PLAC1: variants seen among roughly 807,000 people sequenced by gnomAD.
The protein encoded by PLAC1 is placenta-specific protein 1.
For missense variants in PLAC1, 136 were observed against 163.2 expected (o/e 0.83, Z 0.91); for synonymous variants, 68 against 62.1 (o/e 1.09, Z -0.44).
chrX:134,708,901 T>C (rs933513873), intron 2 of PLAC1, among the ~76,000 whole-genome samples: 4 of 111,516 alleles, frequency 3.6e-5, no homozygotes, highest in African/African-American at 9.8e-5. Context: ...ACACACATAT[T>C]GTATCAATGT....
At chrX:134,668,683 G>T (rs1005973470) in intron 2 of PLAC1, among the ~76,000 whole-genome samples, 2 of 112,974 alleles carry the variant, frequency 1.8e-5, no homozygotes, top group Non-Finnish European at 3.7e-5. Flanking sequence ...CTTGTCTATA[G>T]GAATTCCACA....
At chrX:134,608,168 C>G (rs2078132028) in intron 1 of PLAC1, among the ~76,000 whole-genome samples, 1 of 112,012 alleles carries the variant, frequency 8.9e-6, no homozygotes, top group East Asian at 2.8e-4. Flanking sequence ...CCCAGCAAGT[C>G]TATTCCTAGA....
chrX:134,708,983 CA>C (rs923021262), intron 2 of PLAC1, among the ~76,000 whole-genome samples: 1 of 111,748 alleles, frequency 8.9e-6, no homozygotes, highest in African/African-American at 3.3e-5. Context: ...GTGAATGGTA[CA>C]GGGGGCCTCT....
chrX:134,569,127 G>A (rs1022754206), intron 2 of PLAC1, among the ~76,000 whole-genome samples: 2 of 111,285 alleles, frequency 1.8e-5, no homozygotes, highest in Non-Finnish European at 3.8e-5. Flanking sequence ...CTCTTTTCCA[G>A]AGAGCTAAGC....
intron 2 of PLAC1, among the ~76,000 whole-genome samples, chrX:134,707,982 T>C (rs939269951): frequency 9.0e-6 from 1 of 111,570 alleles, no homozygotes; most frequent in African/African-American, 3.3e-5. Flanking sequence ...AAGACATAAC[T>C]CTAAAAATCC....
At chrX:134,595,107 C>T (rs1201559783) in intron 2 of PLAC1, among the ~76,000 whole-genome samples, 2 of 110,459 alleles carry the variant, frequency 1.8e-5, no homozygotes, top group East Asian at 5.7e-4. Context: ...CCTGAGACTT[C>T]CTCTTTGACC....
chrX:134,742,691 C>T (rs997673770), intron 1 of PLAC1, among the ~76,000 whole-genome samples: 2 of 110,835 alleles, frequency 1.8e-5, no homozygotes, highest in African/African-American at 6.6e-5. Flanking sequence ...AAAGTTTTGG[C>T]AATGGTCTCG....
At chrX:134,630,928 C>G (rs1408697406) in intron 1 of PLAC1, among the ~76,000 whole-genome samples, 1 of 111,704 alleles carries the variant, frequency 9.0e-6, no homozygotes, top group Admixed American at 9.5e-5. Context: ...ATGTCTATTA[C>G]AGTGGGTACT....
chrX:134,754,298 T>C (rs1164781288), intron 1 of PLAC1, among the ~76,000 whole-genome samples: 1 of 112,052 alleles, frequency 8.9e-6, no homozygotes, highest in Non-Finnish European at 1.9e-5. Context: ...GCAGCACACT[T>C]ATTTATATAG....
At chrX:134,737,681 C>T (rs2078706329) in intron 1 of PLAC1, among the ~76,000 whole-genome samples, 1 of 112,432 alleles carries the variant, frequency 8.9e-6, no homozygotes, top group Non-Finnish European at 1.9e-5. Flanking sequence ...ATTACCCTTC[C>T]TTCTGACATT....
Position 134,589,529 on chromosome X carries a change from C to T in PLAC1, c.-59+12522G>A, listed in dbSNP as rs1332268628. On this transcript the variant is annotated intron_variant, in intron 2 of 2. Transcript: ENST00000359237. Reference sequence around the variant, plus strand: ...ATCACTTGAGGTCACGAGTTCGAGACCAGCCTGGCCAACATGGTGAAACCC... The same window carrying T: ...ATCACTTGAGGTCACGAGTTCGAGATCAGCCTGGCCAACATGGTGAAACCC... 5.5e-5 allele frequency among the ~76,000 whole-genome samples: 6 copies of T among 109,749 alleles called. No individual in the cohort carries two copies. In the East Asian group the frequency reaches 1.7e-3, roughly 32 times the overall value.
At chrX:134,668,409 C>T (rs1460832378) in intron 2 of PLAC1, among the ~76,000 whole-genome samples, 2 of 112,111 alleles carry the variant, frequency 1.8e-5, no homozygotes, top group East Asian at 2.8e-4. Flanking sequence ...ATGATGGTTG[C>T]ACAACTCTAA....
intron 2 of PLAC1, among the ~76,000 whole-genome samples, chrX:134,597,664 G>T (rs2078068428): frequency 8.9e-6 from 1 of 111,930 alleles, no homozygotes; most frequent in Non-Finnish European, 1.9e-5. Context: ...GGGTTGCCTT[G>T]TTACTGCCAA....
At chrX:134,680,550 A>G (rs747440216) in intron 2 of PLAC1, among the ~76,000 whole-genome samples, 13 of 58,551 alleles carry the variant, frequency 2.2e-4, no homozygotes, top group Admixed American at 6.9e-4. Flanking sequence ...AAACTGAACT[A>G]AACTAAACTA....
intron 2 of PLAC1, among the ~76,000 whole-genome samples, chrX:134,573,023 C>T (rs913918367): frequency 1.8e-5 from 2 of 111,167 alleles, no homozygotes; most frequent in African/African-American, 6.5e-5. Flanking sequence ...TCCGCTGGGT[C>T]GCAAATTTGG....
At chrX:134,661,736 T>C (rs754532484), upstream of PLAC1, among the ~76,000 whole-genome samples, 2 of 111,698 alleles carry the variant, frequency 1.8e-5, no homozygotes, top group Non-Finnish European at 3.8e-5. Context: ...GTAAATTCTT[T>C]TGTTACAAGG....
At chrX:134,686,844 T>C (rs1388337253) in intron 2 of PLAC1, among the ~76,000 whole-genome samples, 2 of 111,133 alleles carry the variant, frequency 1.8e-5, no homozygotes, top group Non-Finnish European at 3.8e-5. Context: ...TCTTCCAATA[T>C]GACAAAGAAT....
chrX:134,648,268 A>G (rs2078344348), intron 1 of PLAC1, among the ~76,000 whole-genome samples: 1 of 111,749 alleles, frequency 8.9e-6, no homozygotes, highest in Admixed American at 9.5e-5. Flanking sequence ...AATAGCAGGA[A>G]TAGGATGCCT....
At chrX:134,679,515 C>T (rs1488016889) in intron 2 of PLAC1, among the ~76,000 whole-genome samples, 1 of 111,453 alleles carries the variant, frequency 9.0e-6, no homozygotes, top group Admixed American at 9.5e-5. Flanking sequence ...CCCCACCTTA[C>T]CCCTAGAGCA....
Sources: gnomAD v4.1 joint callset for allele counts (sites outside exome capture counted in the v4.1 genomes callset) on GRCh38, gnomAD v4.1.1 for gene constraint, MANE v1.5 for transcripts, NCBI Gene and HGNC (gene_info 2026-07-23, HGNC 2026-07-21) for gene names.